The following ROR1 variants were observed in gnomAD, a reference collection of about 807,000 sequenced individuals.
ROR1 encodes inactive tyrosine-protein kinase transmembrane receptor ROR1.
A neutral mutation model predicts 78.8 loss-of-function variants in ROR1; 19 were observed. The observed-to-expected ratio is 0.24, with a 90% CI of 0.17 to 0.35. The LOEUF (loss-of-function observed/expected upper bound fraction) is 0.35, where lower values mean the gene tolerates loss of function less well. ROR1 is among the 10% of genes least tolerant of loss of function. The pLI is 1.00. For synonymous variants in ROR1, 386 were observed against 433.6 expected (o/e 0.89, Z 1.36); for missense variants, 917 against 1,177.8 (o/e 0.78, Z 3.24).
chr1:64,075,783 G>A (rs953795308), intron 4 of ROR1, among the ~76,000 whole-genome samples: 2 of 152,070 alleles, frequency 1.3e-5, no homozygotes, highest in South Asian at 2.1e-4. Flanking sequence ...ACACCTTTAC[G>A]CTTAATGGCT....
chr1:63,878,297 G>A (rs983330068), intron 1 of ROR1, among the ~76,000 whole-genome samples: 4 of 152,264 alleles, frequency 2.6e-5, no homozygotes, highest in Admixed American at 1.3e-4. Context: ...ATTTGCAAGC[G>A]TTTTTATATA....
intron 1 of ROR1, among the ~76,000 whole-genome samples, chr1:63,898,983 T>C (rs963920410): frequency 1.3e-5 from 2 of 152,066 alleles, no homozygotes; most frequent in African/African-American, 4.8e-5. Flanking sequence ...TGCTTCTCCA[T>C]GGAAACAGTA....
At chr1:63,867,719 A>T (rs1181530304) in intron 1 of ROR1, among the ~76,000 whole-genome samples, 1 of 152,222 alleles carries the variant, frequency 6.6e-6, no homozygotes. Flanking sequence ...TAAAAGTCAG[A>T]GCAAATTTAT....
chr1:63,788,372 T>A (rs941157997), intron 1 of ROR1, among the ~76,000 whole-genome samples: 1 of 152,164 alleles, frequency 6.6e-6, no homozygotes, highest in African/African-American at 2.4e-5. Flanking sequence ...AAAAGGAGGT[T>A]ATGCTTTTAT....
chr1:64,015,653 G>A (rs1479114480), intron 2 of ROR1, among the ~76,000 whole-genome samples: 1 of 152,124 alleles, frequency 6.6e-6, no homozygotes, highest in Non-Finnish European at 1.5e-5. Context: ...GGTTGAAGGT[G>A]GTATTGTAAG....
At position 64,178,844 on chromosome 1, in the gene ROR1, G is replaced by A. The variant is rs906310411; in HGVS notation, c.2803G>A (p.Ala935Thr). Residue 935 changes from alanine (A) to threonine (T), a missense_variant, in exon 9 of 9, where the codon GCA (alanine) becomes ACA (threonine). Transcript: ENST00000371079. This position sits in a 1 kb window ranked among gnomAD's most constrained non-coding sequence, Gnocchi z 4.3. ...IHGHTESMIS[A>T]EL ...TGGACACACCGAATCTATGATTTCT[G>A]CAGAACTGTAAAATGCACAACTTTT... The A allele has an allele frequency of 8.1e-6, 13 of 1,611,962 alleles. No individual in the cohort carries two copies. Among genetic ancestry groups the A allele is most frequent in the Non-Finnish European group, 1.0e-5 (12 of 1,178,882 alleles).
At chr1:63,972,402 C>T (rs767923866) in intron 1 of ROR1, among the ~76,000 whole-genome samples, 7 of 152,172 alleles carry the variant, frequency 4.6e-5, no homozygotes, top group Non-Finnish European at 2.9e-5. Flanking sequence ...CAGGCTCCCT[C>T]CTTGAAGTCT....
In ROR1 at chr1:63,972,296, A is replaced by T. The variant is rs559348658; in HGVS notation, c.92-37009A>T. The stretch of plus-strand genomic sequence containing the variant: ...TTCATCCTCACTTTTCCGATGAGGA[A>T]CCCAGGGCTCAGAGAGGTTACGTGA... On this transcript the variant is annotated intron_variant, in intron 1 of 8. Transcript: ENST00000371079. Among the ~76,000 whole-genome samples the T allele has an allele frequency of 9.4e-4, 143 of 152,270 alleles. 1 individual carries two copies. The highest frequency in any genetic ancestry group is 1.2e-4 in the Non-Finnish European group (8 of 68,012).
intron 1 of ROR1, among the ~76,000 whole-genome samples, chr1:63,793,555 A>G (rs1010149488): frequency 1.3e-5 from 2 of 152,252 alleles, no homozygotes; most frequent in Admixed American, 1.3e-4. Context: ...AACACCTACT[A>G]TGTGCCAGGC....
rs1424530010 is a variant in ROR1 at position 63,843,264 on chromosome 1, A to T, written c.91+68756A>T. On this transcript the variant is annotated intron_variant, in intron 1 of 8. Transcript: ENST00000371079. ...CTCTGCCAGGGTGCAGCGGTCCTTG[A>T]CCTCCTTGTAGCAGTTTGTGTGTAA... is the stretch of plus-strand genomic sequence containing the variant. The T allele has an allele frequency of 3.3e-6, 5 of 1,493,786 alleles. No homozygotes were observed. The Admixed American group carries it at 5.1e-5, about 15-fold the overall frequency. The allele number at this position is 1,493,786 out of a possible 1,614,324, so 92.5% of individuals were successfully genotyped here. A position where few individuals can be genotyped will look rare whatever the true frequency, so the allele number is the denominator to read the frequency against.
At chr1:64,143,377 A>C (rs1315894265) in intron 7 of ROR1, 10 of 981,938 alleles carry the variant, frequency 1.0e-5, no homozygotes, top group Non-Finnish European at 1.2e-5. Flanking sequence ...GAAAAAAAAA[A>C]AAAGAAAATG....
intron 4 of ROR1, among the ~76,000 whole-genome samples, chr1:64,072,260 T>C (rs1008219920): frequency 9.2e-5 from 14 of 152,240 alleles, no homozygotes; most frequent in South Asian, 4.1e-4. Flanking sequence ...AAGTCCTTGA[T>C]AGAAGTTTGC....
chr1:63,848,040 C>T (rs186138733), intron 1 of ROR1, among the ~76,000 whole-genome samples: 4 of 152,270 alleles, frequency 2.6e-5, no homozygotes, highest in African/African-American at 7.2e-5. Flanking sequence ...AAGGCCAAAT[C>T]GAAGAGAAAA....
At position 63,988,123 on chromosome 1, in the gene ROR1, A is replaced by C. The variant is rs911051755; in HGVS notation, c.92-21182A>C. 4.6e-5 allele frequency among the ~76,000 whole-genome samples: 7 copies of C among 152,206 alleles called. No individual in the cohort carries two copies. The East Asian group carries it at 1.3e-3, about 29-fold the overall frequency. ...AAAAAATAACAAATTGTTCCTCATTAAAATGGAACTGAAAATGGTTTTCTG... is the reference window on the plus strand; with the variant it reads ...AAAAAATAACAAATTGTTCCTCATTCAAATGGAACTGAAAATGGTTTTCTG... On this transcript the variant is annotated intron_variant, in intron 1 of 8. Coordinates refer to ENST00000371079, the MANE Select transcript of ROR1 (RefSeq NM_005012.4).
At chr1:63,933,690 A>C (rs996448472) in intron 1 of ROR1, among the ~76,000 whole-genome samples, 1 of 152,210 alleles carries the variant, frequency 6.6e-6, no homozygotes, top group African/African-American at 2.4e-5. Flanking sequence ...TGAAGAAATT[A>C]GGGCCTTGAG....
At chr1:64,014,738 CACTA>C (rs1336468908) in intron 2 of ROR1, among the ~76,000 whole-genome samples, 7 of 9,082 alleles carry the variant, frequency 7.7e-4, no homozygotes, top group Non-Finnish European at 1.5e-3. Flanking sequence ...CACATACGCA[CACTA>C]TATATATATA....
intron 1 of ROR1, among the ~76,000 whole-genome samples, chr1:63,931,367 G>C (rs986731656): frequency 6.6e-6 from 1 of 151,866 alleles, no homozygotes. Context: ...AGAGGTGTAC[G>C]TAGCTCTGAG....
intron 1 of ROR1, among the ~76,000 whole-genome samples, chr1:63,865,036 T>C (rs1378993700): frequency 1.3e-5 from 2 of 152,142 alleles, no homozygotes; most frequent in Non-Finnish European, 2.9e-5. Flanking sequence ...TTTCACTATA[T>C]ACAAACATAA....
At chr1:63,967,647 G>A (rs1646086064) in intron 1 of ROR1, among the ~76,000 whole-genome samples, 1 of 152,190 alleles carries the variant, frequency 6.6e-6, no homozygotes, top group Admixed American at 6.5e-5. Context: ...CGTTGGCACT[G>A]AACTGCTCTA....
Sources: gnomAD v4.1 joint callset for allele counts (sites outside exome capture counted in the v4.1 genomes callset) on GRCh38, gnomAD v4.1.1 for gene constraint, Gnocchi (gnomAD v3.1) non-coding constraint, MANE v1.5 for transcripts, NCBI Gene and HGNC (gene_info 2026-07-23, HGNC 2026-07-21) for gene names.